Variants in EYS observed in about 807,000 individuals in gnomAD.
The protein encoded by EYS is protein eyes shut homolog.
Under a neutral mutation model 282.1 loss-of-function variants are expected in EYS, and 250 were observed. The ratio of observed to expected loss-of-function variants is 0.89; its 90% confidence interval spans 0.80 to 0.98. EYS has a LOEUF of 0.98. Ranked by LOEUF, EYS falls within the 50% of genes least tolerant of loss-of-function variation. The pLI is 0.00. For missense variants in EYS, 4,016 were observed against 3,709.0 expected, an observed-to-expected ratio of 1.08 and a Z score of -2.15; for synonymous variants, 1,355 against 1,282.9, an observed-to-expected ratio of 1.06 and a Z score of -1.20.
chr6:64,095,287 G>T (rs1380199407), intron 31 of EYS, among the ~76,000 whole-genome samples: 1 of 152,184 alleles, frequency 6.6e-6, no homozygotes, highest in African/African-American at 2.4e-5. Context: ...GTGCGGAGTT[G>T]AGTTCAATTC....
chr6:64,761,166 T>C (rs1307061917), intron 22 of EYS, among the ~76,000 whole-genome samples: 3 of 152,150 alleles, frequency 2.0e-5, no homozygotes, highest in Non-Finnish European at 4.4e-5. Flanking sequence ...TCCAGGAAAT[T>C]GGAAACTCAA....
At chr6:64,952,453 T>A (rs189725977) in intron 14 of EYS, among the ~76,000 whole-genome samples, 5 of 152,100 alleles carry the variant, frequency 3.3e-5, no homozygotes, top group East Asian at 3.9e-4. Context: ...TAGTGTAATA[T>A]CTAACATAGT....
At chr6:63,809,817 CAA>C (rs1770994553) in intron 36 of EYS, among the ~76,000 whole-genome samples, 1 of 151,964 alleles carries the variant, frequency 6.6e-6, no homozygotes, top group Non-Finnish European at 1.5e-5. Flanking sequence ...CACTTCTTAG[CAA>C]AAGTTATCAC....
chr6:63,948,410 C>T (rs1252409182), intron 35 of EYS, among the ~76,000 whole-genome samples: 5 of 152,188 alleles, frequency 3.3e-5, no homozygotes, highest in Admixed American at 2.6e-4. Context: ...GAGACAAGTG[C>T]CTTTTGCTCT....
intron 12 of EYS, among the ~76,000 whole-genome samples, chr6:65,228,755 C>G (rs941144429): frequency 6.6e-6 from 1 of 151,984 alleles, no homozygotes; most frequent in Non-Finnish European, 1.5e-5. Context: ...TCTCTGACTT[C>G]GAGACTTGTT....
At chr6:63,968,837 TC>T (rs1213956260) in intron 35 of EYS, among the ~76,000 whole-genome samples, 1 of 152,256 alleles carries the variant, frequency 6.6e-6, no homozygotes, top group Non-Finnish European at 1.5e-5. Context: ...TTGGAATTTT[TC>T]CTTACTTGGC....
chr6:64,635,162 C>T (rs1228583335), intron 22 of EYS, among the ~76,000 whole-genome samples: 2 of 152,092 alleles, frequency 1.3e-5, no homozygotes, highest in Non-Finnish European at 2.9e-5. Context: ...GTGATTTTTG[C>T]ACATGGATGT....
chr6:64,349,437 T>C (rs914855835), intron 29 of EYS, among the ~76,000 whole-genome samples: 1 of 82,594 alleles, frequency 1.2e-5, no homozygotes, highest in African/African-American at 3.9e-5. Flanking sequence ...AACTAAACCA[T>C]AAATTAAGAT....
At chr6:64,654,965 CTT>C (rs1768694922) in intron 22 of EYS, among the ~76,000 whole-genome samples, 3 of 152,126 alleles carry the variant, frequency 2.0e-5, no homozygotes, top group Admixed American at 1.3e-4. Flanking sequence ...ACTTTTTCCT[CTT>C]TAACTTGCAC....
chr6:64,092,887 G>A (rs971971979), intron 31 of EYS, among the ~76,000 whole-genome samples: 1 of 151,664 alleles, frequency 6.6e-6, no homozygotes, highest in East Asian at 1.9e-4. Flanking sequence ...ATGGTTTTAG[G>A]TCTAACATTT....
chr6:63,949,552 A>G (rs1441423761), intron 35 of EYS, among the ~76,000 whole-genome samples: 1 of 151,800 alleles, frequency 6.6e-6, no homozygotes, highest in Non-Finnish European at 1.5e-5. Context: ...CTTTTTATTC[A>G]CTCATTTATT....
At chr6:63,763,945 C>T (rs1254134235) in intron 40 of EYS, among the ~76,000 whole-genome samples, 1 of 143,942 alleles carries the variant, frequency 6.9e-6, no homozygotes, top group African/African-American at 2.6e-5. Flanking sequence ...TTTATTTTGC[C>T]CCCTCCGGCC....
chr6:65,370,256 CTTT>C (rs35707502), intron 8 of EYS, among the ~76,000 whole-genome samples: 1 of 127,138 alleles, frequency 7.9e-6, no homozygotes, highest in Non-Finnish European at 1.6e-5. Flanking sequence ...CTTTCTCTCT[CTTT>C]TTTTTTTTTT....
chr6:64,139,321 G>A (rs1286835842), intron 31 of EYS, among the ~76,000 whole-genome samples: 1 of 152,040 alleles, frequency 6.6e-6, no homozygotes, highest in Non-Finnish European at 1.5e-5. Flanking sequence ...CCTGAACTAA[G>A]GACTTTAAAG....
At chr6:65,522,061 C>A (rs1399864843) in intron 2 of EYS, among the ~76,000 whole-genome samples, 2 of 152,010 alleles carry the variant, frequency 1.3e-5, no homozygotes, top group African/African-American at 4.8e-5. Flanking sequence ...ACAATTCTAT[C>A]AAATCTTGGT....
chr6:64,547,042 G>A (rs772028632), intron 26 of EYS, among the ~76,000 whole-genome samples: 9 of 152,150 alleles, frequency 5.9e-5, no homozygotes, highest in South Asian at 2.1e-4. Context: ...TCCCTCTGAT[G>A]TTCGGACGTA....
At chr6:65,595,515 C>T (rs1043619371) in intron 2 of EYS, among the ~76,000 whole-genome samples, 7 of 151,686 alleles carry the variant, frequency 4.6e-5, no homozygotes, top group Admixed American at 1.3e-4. Context: ...AGCCAATGAC[C>T]TCCACAAGCT....
chr6:65,433,933 C>G (rs1299315800), intron 5 of EYS, among the ~76,000 whole-genome samples: 1 of 152,176 alleles, frequency 6.6e-6, no homozygotes, highest in Non-Finnish European at 1.5e-5. Flanking sequence ...TTCTTCAAAT[C>G]ACTTCTGTGG....
chr6:65,597,848 C>A (rs1405156367), intron 2 of EYS, among the ~76,000 whole-genome samples: 3 of 152,074 alleles, frequency 2.0e-5, no homozygotes, highest in Non-Finnish European at 2.9e-5. Flanking sequence ...CACCTGTAAT[C>A]CCAATACTTT....
Sources: allele counts gnomAD v4.1 joint callset (sites outside exome capture counted in the v4.1 genomes callset), GRCh38; gene constraint gnomAD v4.1.1; transcripts MANE v1.5; gene names NCBI Gene and HGNC (gene_info 2026-07-23, HGNC 2026-07-21).